Variants in TIPIN observed in about 807,000 individuals in gnomAD.
The protein encoded by TIPIN is TIMELESS interacting protein, also known as TIMELESS-interacting protein.
Under a neutral mutation model 35.6 loss-of-function variants are expected in TIPIN, and 29 were observed. The observed-to-expected ratio is 0.82, with a 90% CI of 0.61 to 1.11. The LOEUF (loss-of-function observed/expected upper bound fraction) is 1.11, where lower values mean the gene tolerates loss of function less well. Among genes scored for constraint, TIPIN ranks in the 50% most tolerant of loss-of-function variants. The probability of loss-of-function intolerance (pLI) is 0.00; values close to 1 mark genes in which losing one functional copy is unlikely to be tolerated. For missense variants in TIPIN, 296 were observed against 345.4 expected, an observed-to-expected ratio of 0.86 and a Z score of 1.13; for synonymous variants, 102 against 121.5, an observed-to-expected ratio of 0.84 and a Z score of 1.06.
chr15:66,342,186 C>CAAAAAACAAAA (rs2093092554), intron 6 of TIPIN, among the ~76,000 whole-genome samples: 1 of 108,508 alleles, frequency 9.2e-6, no homozygotes, highest in African/African-American at 3.9e-5. Flanking sequence ...AAGACTGTCT[C>CAAAAAACAAAA]AAAAAAAAAA....
At chr15:66,364,966 C>CAAA (rs138230933) in intron 1 of TIPIN, among the ~76,000 whole-genome samples, 2 of 76,154 alleles carry the variant, frequency 2.6e-5, no homozygotes, top group Admixed American at 1.7e-4. Context: ...AACTCCATCT[C>CAAA]AAAAAAAAAG....
chr15:66,358,044 G>A (rs8035497), upstream of TIPIN, among the ~76,000 whole-genome samples: 39,098 of 151,980 alleles, frequency 0.26, 5,640 homozygotes, highest in South Asian at 0.33. Flanking sequence ...GATTGTTTGA[G>A]CCCAGGAATT....
chr15:66,374,403 T>A (rs1878827983), intron 1 of TIPIN, among the ~76,000 whole-genome samples: 1 of 151,650 alleles, frequency 6.6e-6, no homozygotes, highest in African/African-American at 2.4e-5. Context: ...GTTTTGCCCA[T>A]TTTTAAAAGT....
intron 1 of TIPIN, among the ~76,000 whole-genome samples, chr15:66,356,184 G>C (rs1337673264): frequency 6.6e-6 from 1 of 152,064 alleles, no homozygotes; most frequent in Admixed American, 6.6e-5. Context: ...TCATCGCAAA[G>C]GAAGTGCTAC....
chr15:66,342,530 A>G (rs1360399535), intron 6 of TIPIN, among the ~76,000 whole-genome samples: 2 of 151,652 alleles, frequency 1.3e-5, no homozygotes, highest in African/African-American at 2.4e-5. Flanking sequence ...TGCCCAGCTA[A>G]TTTTTGTATT....
upstream of TIPIN, among the ~76,000 whole-genome samples, chr15:66,359,057 A>T (rs968049490): frequency 3.3e-5 from 5 of 150,432 alleles, no homozygotes; most frequent in South Asian, 2.1e-4. Flanking sequence ...AAAAAAAAAA[A>T]TTTAAAAAAC....
In TIPIN at chr15:66,337,786, A is replaced by T. The variant is rs112792998; in HGVS notation, c.683-605T>A. 8.0e-3 allele frequency among the ~76,000 whole-genome samples: 1,175 copies of T among 146,660 alleles called. 13 individuals are homozygous for T. Among genetic ancestry groups the T allele is most frequent in the African/African-American group, 0.028 (1,102 of 39,336 alleles). ...AACATCAAAAAAAATAAAATAAAAAAAAAAATAATTAGCTGGCTATGGTGG... is the reference window on the plus strand; with the variant it reads ...AACATCAAAAAAAATAAAATAAAAATAAAAATAATTAGCTGGCTATGGTGG... On this transcript the variant is annotated intron_variant, in intron 7 of 7. Transcript: ENST00000261881.
At chr15:66,351,978 A>T in intron 3 of TIPIN, 151 bp downstream of exon 3, 2 of 643,668 alleles carry the variant, frequency 3.1e-6, no homozygotes, top group Non-Finnish European at 5.2e-6. Context: ...AAGCAAGACC[A>T]TAAGAAAAAA....
At chr15:66,356,211 C>T (rs964686091) in intron 1 of TIPIN, among the ~76,000 whole-genome samples, 11 of 152,086 alleles carry the variant, frequency 7.2e-5, no homozygotes, top group African/African-American at 2.7e-4. Flanking sequence ...GCCTCGATGT[C>T]CCCCTTGGGT....
At chr15:66,337,289 C>A in intron 7 of TIPIN, 108 bp from the exon 8 acceptor site, 2 of 708,646 alleles carry the variant, frequency 2.8e-6, no homozygotes, top group Non-Finnish European at 4.5e-6. Flanking sequence ...AGTCTAAGAT[C>A]ACTTAATGTT....
intron 1 of TIPIN, among the ~76,000 whole-genome samples, chr15:66,362,386 C>G (rs957335816): frequency 1.3e-5 from 2 of 151,742 alleles, no homozygotes; most frequent in Non-Finnish European, 1.5e-5. Flanking sequence ...GGAACCCAGT[C>G]CACCACAAAT....
chr15:66,380,753 T>C (rs996311961), intron 1 of TIPIN, among the ~76,000 whole-genome samples: 11 of 152,030 alleles, frequency 7.2e-5, no homozygotes, highest in Admixed American at 1.3e-4. Flanking sequence ...AGGCGTAGGT[T>C]GCAGTGAGCC....
chr15:66,337,167 T>G lies in TIPIN; in HGVS notation c.697A>C (p.Thr233Pro), dbSNP rs1360379047. 1.9e-6 allele frequency: 3 copies of G among 1,613,312 alleles called. No homozygotes were observed. Among genetic ancestry groups the G allele is most frequent in the Non-Finnish European group, 2.5e-6 (3 of 1,179,790 alleles). Reference protein sequence around the residue: ...QTLGNDMLMNTPRAHTVEEVN... With the variant: ...QTLGNDMLMNPPRAHTVEEVN... ...TCTTCAACCGTGTGTGCCCTGGGTGTATTCATTAACATATCTGAAAGAAAT... is the reference window on the plus strand; with the variant it reads ...TCTTCAACCGTGTGTGCCCTGGGTGGATTCATTAACATATCTGAAAGAAAT... The change falls in exon 8 of 8, where the codon ACA becomes CCA. Residue 233 changes from threonine (T) to proline (P), a missense_variant. Physicochemically the swap from Thr to Pro is conservative, Grantham distance 38. Coordinates refer to ENST00000261881, the MANE Select transcript of TIPIN (RefSeq NM_017858.3).
chr15:66,343,253 G>T (rs1454684556), intron 6 of TIPIN, among the ~76,000 whole-genome samples: 1 of 152,078 alleles, frequency 6.6e-6, no homozygotes, highest in Non-Finnish European at 1.5e-5. Context: ...AAAAAAAACA[G>T]CAGAGCTGAC....
chr15:66,360,852 G>GCTA (rs1178373116), upstream of TIPIN, among the ~76,000 whole-genome samples: 3 of 152,172 alleles, frequency 2.0e-5, no homozygotes, highest in Non-Finnish European at 4.4e-5. Context: ...TGTAATCCCA[G>GCTA]CTACTGGGGA....
At chr15:66,371,824 T>G (rs114898209) in intron 1 of TIPIN, among the ~76,000 whole-genome samples, 1,888 of 150,892 alleles carry the variant, frequency 0.013, 33 homozygotes, top group African/African-American at 0.042. Context: ...GCCTGGTAAT[T>G]GTTTCTTTTG....
intron 6 of TIPIN, among the ~76,000 whole-genome samples, chr15:66,342,115 G>A (rs574218411): frequency 4.0e-5 from 6 of 150,458 alleles, no homozygotes; most frequent in South Asian, 4.2e-4. Flanking sequence ...ACCGGGACCC[G>A]GGAGGCGGAG....
At chr15:66,363,572 G>T (rs1275108152) in intron 1 of TIPIN, among the ~76,000 whole-genome samples, 1 of 151,676 alleles carries the variant, frequency 6.6e-6, no homozygotes, top group East Asian at 1.9e-4. Flanking sequence ...AACCTGGGAG[G>T]CGGAGATTGC....
intron 6 of TIPIN, among the ~76,000 whole-genome samples, chr15:66,346,000 G>A (rs2093122267): frequency 6.6e-6 from 1 of 151,368 alleles, no homozygotes; most frequent in South Asian, 2.1e-4. Context: ...AGGCTGGAGT[G>A]TAATGGCGCA....
Sources: gnomAD v4.1 joint callset for allele counts (sites outside exome capture counted in the v4.1 genomes callset) on GRCh38, gnomAD v4.1.1 for gene constraint, MANE v1.5 for transcripts, NCBI Gene and HGNC (gene_info 2026-07-23, HGNC 2026-07-21) for gene names.